Variants in CPQ observed in about 807,000 individuals in gnomAD.
CPQ encodes Ser-Met dipeptidase.
A neutral mutation model predicts 45.7 loss-of-function variants in CPQ; 37 were observed. That is an observed-to-expected ratio of 0.81 (90% CI 0.62 to 1.07). CPQ has a LOEUF of 1.07. Ranked by LOEUF, CPQ falls within the 50% of genes least tolerant of loss-of-function variation. CPQ has a pLI of 0.00. For missense variants in CPQ, 537 were observed against 572.9 expected (o/e 0.94, Z 0.64); for synonymous variants, 186 against 205.8 (o/e 0.90, Z 0.82).
chr8:97,086,829 T>G (rs1488522540), intron 7 of CPQ, among the ~76,000 whole-genome samples: 2 of 152,202 alleles, frequency 1.3e-5, no homozygotes, highest in Non-Finnish European at 2.9e-5. Flanking sequence ...TCATATTAAT[T>G]AAATTTATGG....
intron 3 of CPQ, among the ~76,000 whole-genome samples, chr8:96,868,407 C>T (rs936329967): frequency 2.6e-5 from 4 of 152,028 alleles, no homozygotes; most frequent in African/African-American, 9.7e-5. Context: ...TACACTTTCT[C>T]AAACAATTGG....
intron 3 of CPQ, among the ~76,000 whole-genome samples, chr8:96,862,220 T>G (rs1811935001): frequency 6.6e-6 from 1 of 151,840 alleles, no homozygotes; most frequent in Admixed American, 6.6e-5. Flanking sequence ...CCTAGGTTGC[T>G]TAACCTTTCT....
chr8:96,706,921 C>T (rs1351436657), intron 1 of CPQ, among the ~76,000 whole-genome samples: 1 of 152,090 alleles, frequency 6.6e-6, no homozygotes, highest in Non-Finnish European at 1.5e-5. Context: ...AAGTAAAAAG[C>T]CTGTAGGTCA....
At chr8:96,711,759 C>T (rs1025285613) in intron 1 of CPQ, among the ~76,000 whole-genome samples, 10 of 152,062 alleles carry the variant, frequency 6.6e-5, no homozygotes, top group South Asian at 2.1e-4. Context: ...AACTATAACT[C>T]GGGATTTGTG....
intron 3 of CPQ, among the ~76,000 whole-genome samples, chr8:96,860,408 T>C (rs535054031): frequency 1.6e-4 from 25 of 152,300 alleles, no homozygotes; most frequent in African/African-American, 5.8e-4. Flanking sequence ...TTTTTATTTA[T>C]ATTGGCAATT....
intron 1 of CPQ, among the ~76,000 whole-genome samples, chr8:96,659,006 G>A (rs1815668660): frequency 6.6e-6 from 1 of 152,170 alleles, no homozygotes; most frequent in Admixed American, 6.5e-5. Flanking sequence ...GCAGAAATAG[G>A]AAATAAATGC....
intron 2 of CPQ, among the ~76,000 whole-genome samples, chr8:96,793,629 C>T (rs1810882375): frequency 6.6e-6 from 1 of 152,214 alleles, no homozygotes; most frequent in African/African-American, 2.4e-5. Context: ...GCTTTCCCAA[C>T]AGTTTGCCAA....
intron 5 of CPQ, among the ~76,000 whole-genome samples, chr8:96,972,770 C>A (rs1813700985): frequency 1.3e-5 from 2 of 152,128 alleles, no homozygotes; most frequent in African/African-American, 4.8e-5. Flanking sequence ...GGTGGCTAGA[C>A]CCAGAAGAGC....
intron 5 of CPQ, among the ~76,000 whole-genome samples, chr8:97,011,066 T>C (rs1789405744): frequency 6.6e-6 from 1 of 152,126 alleles, no homozygotes; most frequent in Admixed American, 6.6e-5. Context: ...TGCAAATGAG[T>C]CTTGAGCAGC....
At chr8:96,725,928 G>T (rs1264069218) in intron 1 of CPQ, among the ~76,000 whole-genome samples, 1 of 152,124 alleles carries the variant, frequency 6.6e-6, no homozygotes, top group African/African-American at 2.4e-5. Context: ...ATGAAATTGT[G>T]TTATTTGGAG....
intron 1 of CPQ, among the ~76,000 whole-genome samples, chr8:96,765,963 A>G (rs557679395): frequency 6.6e-6 from 1 of 152,312 alleles, no homozygotes; most frequent in East Asian, 1.9e-4. Flanking sequence ...TCCTAAACAG[A>G]GTAATATTGG....
intron 7 of CPQ, among the ~76,000 whole-genome samples, chr8:97,067,521 AT>A (rs1414479441): frequency 6.6e-5 from 10 of 151,870 alleles, no homozygotes; most frequent in East Asian, 1.9e-4. Flanking sequence ...TCCACTCCAG[AT>A]TTTTTTTTCC....
At chr8:96,822,680 C>G (rs1473102398) in intron 2 of CPQ, among the ~76,000 whole-genome samples, 1 of 151,962 alleles carries the variant, frequency 6.6e-6, no homozygotes, top group Non-Finnish European at 1.5e-5. Context: ...TGCCCTTTCT[C>G]ACTGCACTCC....
intron 5 of CPQ, among the ~76,000 whole-genome samples, chr8:96,990,635 A>G (rs1266587446): frequency 6.6e-6 from 1 of 152,200 alleles, no homozygotes; most frequent in Non-Finnish European, 1.5e-5. Flanking sequence ...TTCTCCCTGG[A>G]GACAGTACAA....
At chr8:96,831,036 C>T (rs1811451785) in intron 2 of CPQ, among the ~76,000 whole-genome samples, 1 of 152,150 alleles carries the variant, frequency 6.6e-6, no homozygotes. Context: ...AACTACTTTG[C>T]AGAGTTGCTG....
At chr8:96,747,308 A>AC (rs1034908620) in intron 1 of CPQ, among the ~76,000 whole-genome samples, 1 of 150,972 alleles carries the variant, frequency 6.6e-6, no homozygotes, top group Non-Finnish European at 1.5e-5. Context: ...AAAAAAAAAA[A>AC]CACTGTTTGA....
At chr8:96,712,447 C>T (rs1290880003) in intron 1 of CPQ, among the ~76,000 whole-genome samples, 1 of 152,182 alleles carries the variant, frequency 6.6e-6, no homozygotes, top group East Asian at 1.9e-4. Context: ...TCCATTCAAG[C>T]AGCAAACGTC....
chr8:97,041,939 A>G (rs1337721201), intron 6 of CPQ, among the ~76,000 whole-genome samples: 1 of 152,182 alleles, frequency 6.6e-6, no homozygotes, highest in Non-Finnish European at 1.5e-5. Flanking sequence ...TATTAGTCTA[A>G]AATTCTCTTT....
chr8:96,979,118 A>G (rs1421788113), intron 5 of CPQ, among the ~76,000 whole-genome samples: 1 of 152,022 alleles, frequency 6.6e-6, no homozygotes, highest in African/African-American at 2.4e-5. Flanking sequence ...ATGTCTTCAT[A>G]AATCTAGAGT....
Sources: allele counts gnomAD v4.1 joint callset (sites outside exome capture counted in the v4.1 genomes callset), GRCh38; gene constraint gnomAD v4.1.1; transcripts MANE v1.5; gene names NCBI Gene and HGNC (gene_info 2026-07-23, HGNC 2026-07-21).